Variants in PASK observed in about 807,000 individuals in gnomAD.
The protein encoded by PASK is PAS domain containing serine/threonine kinase.
In PASK, 110 loss-of-function variants were observed where a neutral mutation model predicts 121.0. The observed-to-expected ratio is 0.91, with a 90% confidence interval of 0.78 to 1.06. The LOEUF (loss-of-function observed/expected upper bound fraction) is 1.06, where lower values mean the gene tolerates loss of function less well. PASK is among the 50% of genes least tolerant of loss of function. PASK has a pLI of 0.00. For synonymous variants in PASK, 686 were observed against 717.8 expected (o/e 0.96, Z 0.71); for missense variants, 1,643 against 1,702.3 (o/e 0.97, Z 0.61).
chr2:241,130,684 T>A (rs1193172707), intron 9 of PASK, among the ~76,000 whole-genome samples: 1 of 152,052 alleles, frequency 6.6e-6, no homozygotes, highest in African/African-American at 2.4e-5. Context: ...ACAGCTACCC[T>A]CTCACGCCAC....
At chr2:241,119,410 G>A (rs1207728433) in intron 12 of PASK, among the ~76,000 whole-genome samples, 1 of 151,974 alleles carries the variant, frequency 6.6e-6, no homozygotes, top group Non-Finnish European at 1.5e-5. Context: ...CTACACCAAT[G>A]AGGCCTCATC....
chr2:241,128,344 C>A (rs547079733), intron 9 of PASK, among the ~76,000 whole-genome samples: 1 of 152,168 alleles, frequency 6.6e-6, no homozygotes, highest in Non-Finnish European at 1.5e-5. Context: ...GTGAGGGCGG[C>A]TCCTAAGAGG....
intron 10 of PASK, among the ~76,000 whole-genome samples, chr2:241,125,792 CCT>C (rs1224703713): frequency 1.3e-5 from 2 of 152,102 alleles, no homozygotes; most frequent in Non-Finnish European, 2.9e-5. Flanking sequence ...CGCTCACATC[CCT>C]CTCGGCCTGT....
chr2:241,149,874 G>T (rs1388842041), upstream of PASK: 1 of 1,452,860 alleles, frequency 6.9e-7, no homozygotes, highest in African/African-American at 1.4e-5. Flanking sequence ...CCCGGAGCCA[G>T]CCAGCTGGCT....
Position 241,135,873 on chromosome 2 carries a change from T to A in PASK, c.1304A>T (p.Gln435Leu), listed in dbSNP as rs756535845. The A allele has an allele frequency of 7.4e-6, 12 of 1,613,708 alleles. No individual in the cohort carries two copies. The highest frequency in any genetic ancestry group is 1.6e-4 in the Middle Eastern group (1 of 6,084). Residue 435 changes from glutamine to leucine, a missense_variant and splice_region_variant, in exon 8 of 18, where the codon CAG (glutamine) becomes CTG (leucine). Transcript: ENST00000234040. ...TCAGGAGGAAGAGGACGTCTTACCC[T>A]GGCCCCCCTCAGCTGGGTCCTGGCC... The part of the protein sequence containing the change: ...WQGQDPAEGG[Q>L]DPRINVVLAG...
At position 241,106,631 on chromosome 2, in the gene PASK, G is replaced by C. The variant is rs779771072; in HGVS notation, c.3907C>G (p.Pro1303Ala). ...QAQELCGGPV[P>A]GEAPNGQGCL... ...CCTTGGCCATTAGGAGCCTCGCCTG[G>C]AACGGGGCCCCCACAAAGCTCCTGA... is the stretch of plus-strand genomic sequence containing the variant. Residue 1303 changes from proline to alanine, a missense_variant, in exon 18 of 18, where the codon CCA becomes GCA. Around this residue, in one of 3 missense-constraint regions of PASK, gnomAD observed 453 missense variants for 511.2 expected, o/e 0.89. Transcript: ENST00000234040. 1.9e-6 allele frequency: 3 copies of C among 1,614,078 alleles called. No homozygotes were observed. Among genetic ancestry groups the C allele is most frequent in the Non-Finnish European group, 1.7e-6 (2 of 1,180,034 alleles).
intron 15 of PASK, among the ~76,000 whole-genome samples, chr2:241,111,178 C>T (rs1308914088): frequency 1.3e-5 from 2 of 152,228 alleles, no homozygotes; most frequent in East Asian, 3.8e-4. Flanking sequence ...GGAGCTCGTG[C>T]GTGACTGCGA....
At chr2:241,120,839 G>A (rs1031876401) in intron 12 of PASK, among the ~76,000 whole-genome samples, 1 of 152,142 alleles carries the variant, frequency 6.6e-6, no homozygotes, top group Non-Finnish European at 1.5e-5. Context: ...GCCTAGAACT[G>A]AAAACATATG....
At position 241,122,821 on chromosome 2, in the gene PASK, A is replaced by G; in HGVS notation, c.2983T>C (p.Tyr995His). 6.2e-7 allele frequency: 1 copy of G among 1,613,982 alleles called. No homozygotes were observed. Residue 995 changes from tyrosine (Y) to histidine (H), a missense_variant, in exon 12 of 18, where the codon TAC (tyrosine) becomes CAC (histidine). Physicochemically the swap from Tyr to His is moderately conservative, Grantham distance 83. Coordinates refer to ENST00000234040, the MANE Select transcript of PASK (RefSeq NM_015148.4). ...LEGLAACEGE[Y>H]SQKYSTMSPL... The stretch of plus-strand genomic sequence containing the variant: ...CTCATGGTACTGTACTTTTGGGAGT[A>G]CTCGCCCTCACAGGCCGCCAACCCC...
At chr2:241,114,666 G>C (rs2065248536) in intron 14 of PASK, 1 of 1,173,902 alleles carries the variant, frequency 8.5e-7, no homozygotes. Context: ...CCATTTAGTG[G>C]GCACTTACAA....
intron 12 of PASK, among the ~76,000 whole-genome samples, chr2:241,115,685 C>A (rs376858606): frequency 9.1e-4 from 102 of 112,158 alleles, no homozygotes; most frequent in East Asian, 2.3e-3. Flanking sequence ...TACACCAGGG[C>A]CACCCAGTCC....
Position 241,108,853 on chromosome 2 carries a change from G to A in PASK, c.3534-553C>T, listed in dbSNP as rs778848655. The A allele has an allele frequency of 1.9e-4, 40 of 209,100 alleles. No individual in the cohort carries two copies. Among genetic ancestry groups the A allele is most frequent in the Non-Finnish European group, 2.6e-4 (27 of 102,032 alleles). The allele number at this position is 209,100 out of a possible 1,614,324, so 13.0% of individuals were successfully genotyped here. On this transcript the variant is annotated intron_variant, in intron 15 of 17. Coordinates refer to ENST00000234040, the MANE Select transcript of PASK (RefSeq NM_015148.4). This position sits in a 1 kb window ranked among gnomAD's most constrained non-coding sequence, Gnocchi z 5.2. ...AAGGATGAAAGCAAACAAGAAGGACGTGGTGAAGGTGGGTGTTCACACAGT... is the reference window on the plus strand; with the variant it reads ...AAGGATGAAAGCAAACAAGAAGGACATGGTGAAGGTGGGTGTTCACACAGT...
rs750738101 is a variant in PASK at position 241,137,923 on chromosome 2, TCA to T, written c.876+28_876+29del. Reference sequence around the variant, plus strand: ...ATTCAGAGCTAAGAACTCCACCCCATCACACAGTGCGGGAGGTCAGGAGCCCT... The same window carrying T: ...ATTCAGAGCTAAGAACTCCACCCCATCACAGTGCGGGAGGTCAGGAGCCCT... On this transcript the variant is annotated intron_variant, in intron 6 of 17. Transcript: ENST00000234040. The T allele has an allele frequency of 1.6e-5, 25 of 1,612,640 alleles. No homozygotes were observed. The African/African-American group carries it at 3.3e-4, about 22-fold the overall frequency.
Position 241,114,022 on chromosome 2 carries a change from T to G in PASK, c.3333+1021A>C, listed in dbSNP as rs73112149. The stretch of plus-strand genomic sequence containing the variant: ...TTTTAGAGTATAAACACCATAATTA[T>G]GTGTCTCACTAGCCCCAGAATTAAC... On this transcript the variant is annotated intron_variant, in intron 14 of 17. Coordinates refer to ENST00000234040, the MANE Select transcript of PASK (RefSeq NM_015148.4). 1.6e-3 allele frequency: 1,607 copies of G among 984,644 alleles called. 24 individuals are homozygous for G. In the African/African-American group the frequency reaches 0.026, roughly 16 times the overall value. 61.0% of individuals were successfully genotyped at this position (984,644 alleles called of 1,614,324 possible).
At chr2:241,129,378 T>C (rs1320169879) in intron 9 of PASK, among the ~76,000 whole-genome samples, 1 of 152,074 alleles carries the variant, frequency 6.6e-6, no homozygotes, top group Middle Eastern at 3.2e-3. Flanking sequence ...CAGATGTGTT[T>C]GGGGATTTCA....
intron 15 of PASK, among the ~76,000 whole-genome samples, chr2:241,111,172 C>G (rs2065096009): frequency 6.6e-6 from 1 of 152,232 alleles, no homozygotes; most frequent in Non-Finnish European, 1.5e-5. Flanking sequence ...CGGCATGGAG[C>G]TCGTGCGTGA....
intron 15 of PASK, chr2:241,109,178 A>G (rs180952863): frequency 6.5e-6 from 1 of 153,158 alleles, no homozygotes; most frequent in East Asian, 1.9e-4. Flanking sequence ...GCTACCATCT[A>G]TTGGGTACCT....
intron 9 of PASK, among the ~76,000 whole-genome samples, chr2:241,132,189 T>C (rs1480073404): frequency 1.3e-5 from 2 of 152,088 alleles, no homozygotes; most frequent in Admixed American, 1.3e-4. Flanking sequence ...TTCTCTAATA[T>C]AAACTTTCTT....
intron 14 of PASK, chr2:241,114,441 G>A (rs16843303): frequency 0.2 from 194,304 of 992,788 alleles, 20,904 homozygotes; most frequent in African/African-American, 0.42. Flanking sequence ...GGATGGAACC[G>A]CCACCCTCTC....
Sources: gnomAD v4.1 joint callset for allele counts (sites outside exome capture counted in the v4.1 genomes callset) on GRCh38, gnomAD v4.1.1 for gene constraint, gnomAD v4.1.1 regional missense constraint, Gnocchi (gnomAD v3.1) non-coding constraint, MANE v1.5 for transcripts, NCBI Gene and HGNC (gene_info 2026-07-23, HGNC 2026-07-21) for gene names.